KAZN: variants seen among roughly 807,000 people sequenced by gnomAD.
KAZN encodes kazrin.
A neutral mutation model predicts 87.4 loss-of-function variants in KAZN; 40 were observed. The observed-to-expected ratio is 0.46, with a 90% CI of 0.36 to 0.60. The LOEUF (loss-of-function observed/expected upper bound fraction) is 0.60. KAZN is among the 20% of genes least tolerant of loss of function. The pLI is 0.00. For synonymous variants in KAZN, 466 were observed against 458.3 expected (o/e 1.02, Z -0.22); for missense variants, 898 against 1,073.9 (o/e 0.84, Z 2.29).
chr1:14,565,868 C>G (rs1172599769), intron 2 of KAZN, among the ~76,000 whole-genome samples: 4 of 152,138 alleles, frequency 2.6e-5, no homozygotes, highest in East Asian at 1.9e-4. Flanking sequence ...AATTGTAGCT[C>G]TCTTGCTATT....
rs553085634 is a variant in KAZN, at chr1:13,932,481, T to C, written c.91+38725T>C. Among the ~76,000 whole-genome samples, 106 of 151,984 alleles carry C rather than the reference T, an allele frequency of 7.0e-4. 1 individual carries two copies. Among genetic ancestry groups the C allele is most frequent in the African/African-American group, 1.9e-3 (79 of 41,472 alleles). On this transcript the variant is annotated intron_variant, in intron 1 of 16. Coordinates refer to the KAZN transcript ENST00000636203. Reference sequence around the variant, plus strand: ...TTCACCGTTTTAGCCGGGATGGTCTTGATCTCCTGACCTCGTGATCCGCCC... The same window carrying C: ...TTCACCGTTTTAGCCGGGATGGTCTCGATCTCCTGACCTCGTGATCCGCCC...
intron 2 of KAZN, among the ~76,000 whole-genome samples, chr1:14,453,560 G>C (rs969919807): frequency 3.3e-5 from 5 of 152,164 alleles, no homozygotes; most frequent in South Asian, 2.1e-4. Context: ...ATCTGCCCAG[G>C]CATGGTGTCT....
chr1:14,246,361 T>C (rs1649514984), intron 2 of KAZN, among the ~76,000 whole-genome samples: 1 of 152,240 alleles, frequency 6.6e-6, no homozygotes, highest in Non-Finnish European at 1.5e-5. Context: ...TTTGTTGTTA[T>C]TTATTGCCAT....
intron 1 of KAZN, chr1:14,924,529 C>T (rs1476527400): frequency 9.9e-7 from 1 of 1,009,078 alleles, no homozygotes; most frequent in Non-Finnish European, 1.2e-6. Context: ...GGCCCCGCGC[C>T]GGGGTTCCCC....
At chr1:14,715,823 A>C (rs1316825521) in intron 1 of KAZN, among the ~76,000 whole-genome samples, 1 of 152,192 alleles carries the variant, frequency 6.6e-6, no homozygotes, top group African/African-American at 2.4e-5. Flanking sequence ...CTAATTTAGA[A>C]AGCTCCAAAT....
At chr1:13,948,709 A>G (rs966829175) in intron 1 of KAZN, among the ~76,000 whole-genome samples, 2 of 151,848 alleles carry the variant, frequency 1.3e-5, no homozygotes, top group African/African-American at 4.8e-5. Context: ...TTCTGCAAAC[A>G]ATCTTTTTCC....
chr1:14,887,740 A>G (rs1022331325), intron 1 of KAZN, among the ~76,000 whole-genome samples: 3 of 145,834 alleles, frequency 2.1e-5, no homozygotes, highest in African/African-American at 7.6e-5. Flanking sequence ...CTACTTGATC[A>G]CTTTTTTCCT....
intron 1 of KAZN, among the ~76,000 whole-genome samples, chr1:14,049,953 G>C (rs1642239659): frequency 6.6e-6 from 1 of 152,244 alleles, no homozygotes; most frequent in Non-Finnish European, 1.5e-5. Context: ...GCATCTTGGA[G>C]GAGGAGGCCC....
At chr1:14,076,035 A>T (rs978868152) in intron 1 of KAZN, among the ~76,000 whole-genome samples, 2 of 152,142 alleles carry the variant, frequency 1.3e-5, no homozygotes, top group African/African-American at 4.8e-5. Context: ...TAATCCCAGC[A>T]CTTTGGGAGG....
chr1:14,884,978 C>T (rs937594459), intron 1 of KAZN, among the ~76,000 whole-genome samples: 4 of 152,160 alleles, frequency 2.6e-5, no homozygotes, highest in African/African-American at 7.2e-5. Context: ...GAACACGTAT[C>T]GTAATGCTGT....
At chr1:14,388,848 T>C (rs985195381) in intron 2 of KAZN, among the ~76,000 whole-genome samples, 7 of 151,866 alleles carry the variant, frequency 4.6e-5, no homozygotes, top group African/African-American at 1.5e-4. Flanking sequence ...AAGGGACAAA[T>C]AGGATCACAT....
intron 1 of KAZN, among the ~76,000 whole-genome samples, chr1:14,069,233 C>T (rs1026278072): frequency 6.6e-6 from 1 of 152,328 alleles, no homozygotes; most frequent in East Asian, 1.9e-4. Flanking sequence ...CACAGTGCAT[C>T]TTCATCAGTC....
chr1:14,494,757 G>A (rs1257035700), intron 2 of KAZN, among the ~76,000 whole-genome samples: 2 of 152,206 alleles, frequency 1.3e-5, no homozygotes, highest in Non-Finnish European at 2.9e-5. Flanking sequence ...AATATGTCCA[G>A]AGTGGACAAT....
chr1:14,246,829 G>A (rs2100597197), intron 2 of KAZN, among the ~76,000 whole-genome samples: 1 of 152,130 alleles, frequency 6.6e-6, no homozygotes, highest in East Asian at 1.9e-4. Flanking sequence ...TTATGTGTGT[G>A]AGCTTCCTTC....
intron 1 of KAZN, among the ~76,000 whole-genome samples, chr1:14,613,278 C>T (rs976940761): frequency 2.6e-5 from 4 of 152,300 alleles, no homozygotes; most frequent in South Asian, 2.1e-4. Context: ...AGGCTGAGGC[C>T]GGGGATTGTA....
intron 1 of KAZN, among the ~76,000 whole-genome samples, chr1:13,948,789 G>A (rs138156255): frequency 6.6e-6 from 1 of 152,270 alleles, no homozygotes; most frequent in Non-Finnish European, 1.5e-5. Flanking sequence ...CTCCTCAGAA[G>A]TATTGCTGGC....
intron 2 of KAZN, among the ~76,000 whole-genome samples, chr1:15,024,615 C>T (rs560780005): frequency 1.3e-5 from 2 of 152,142 alleles, no homozygotes; most frequent in Non-Finnish European, 1.5e-5. Flanking sequence ...CAGTTTCCAG[C>T]GGAGGGAAGG....
At chr1:14,583,926 A>C (rs116830517) in intron 2 of KAZN, among the ~76,000 whole-genome samples, 28 of 152,262 alleles carry the variant, frequency 1.8e-4, no homozygotes, top group African/African-American at 6.5e-4. Context: ...TCAAGGCTGG[A>C]TGGAAGCCCA....
intron 1 of KAZN, among the ~76,000 whole-genome samples, chr1:14,071,098 A>G (rs28550893): frequency 0.039 from 5,867 of 152,144 alleles, 383 homozygotes; most frequent in African/African-American, 0.13. Flanking sequence ...TTACTCCCAG[A>G]GCTGGATTGA....
Sources: allele counts gnomAD v4.1 joint callset (sites outside exome capture counted in the v4.1 genomes callset), GRCh38; gene constraint gnomAD v4.1.1; transcripts MANE v1.5; gene names NCBI Gene and HGNC (gene_info 2026-07-23, HGNC 2026-07-21).